Variants in TMCO4 observed in about 807,000 individuals in gnomAD.
TMCO4 encodes transmembrane and coiled-coil domains 4, also known as transmembrane and coiled-coil domain-containing protein 4.
In TMCO4, 58 loss-of-function variants were observed where a neutral mutation model predicts 64.7. The observed-to-expected ratio is 0.90, with a 90% CI of 0.73 to 1.12. The LOEUF is 1.12. TMCO4 is among the 50% of genes most tolerant of loss of function. The probability of loss-of-function intolerance (pLI) is 0.00; values close to 1 mark genes in which losing one functional copy is unlikely to be tolerated. For synonymous variants in TMCO4, 325 were observed against 346.1 expected (o/e 0.94, Z 0.68); for missense variants, 780 against 825.9 (o/e 0.94, Z 0.68).
At chr1:19,783,068 A>T (rs2043566851) in intron 3 of TMCO4, among the ~76,000 whole-genome samples, 1 of 152,204 alleles carries the variant, frequency 6.6e-6, no homozygotes, top group South Asian at 2.1e-4. Context: ...TGATCAACAA[A>T]CAAATAAGTA....
Position 19,780,686 on chromosome 1 carries a change from C to G in TMCO4, c.73G>C (p.Glu25Gln), listed in dbSNP as rs769356583. 7 of 1,613,716 alleles carry G rather than the reference C, an allele frequency of 4.3e-6. No individual in the cohort carries two copies. In the African/African-American group the frequency reaches 8.0e-5, roughly 18 times the overall value. The change falls in exon 4 of 16, where the codon GAG becomes CAG. Residue 25 changes from glutamate (E) to glutamine (Q), a missense_variant. Transcript: ENST00000294543. ...TCCCGGCCCGTGGGCAGGTGTGGCT[C>G]CCCCTCTGCAGTGGGCTCAGCTACC... ...PLVAEPTAEG[E>Q]PHLPTGRELT...
intron 13 of TMCO4, among the ~76,000 whole-genome samples, chr1:19,705,390 G>A (rs983033109): frequency 6.6e-6 from 1 of 152,106 alleles, no homozygotes; most frequent in African/African-American, 2.4e-5. Context: ...GGCGGAGATT[G>A]CAGTGAGCTA....
At chr1:19,708,768 A>T (rs1360855213) in intron 13 of TMCO4, among the ~76,000 whole-genome samples, 1 of 152,116 alleles carries the variant, frequency 6.6e-6, no homozygotes, top group Non-Finnish European at 1.5e-5. Flanking sequence ...GGAAGGCAGC[A>T]CCTCTCACTC....
chr1:19,729,267 C>T (rs12402238), intron 13 of TMCO4, among the ~76,000 whole-genome samples: 56,557 of 151,436 alleles, frequency 0.37, 11,268 homozygotes, highest in East Asian at 0.71. Flanking sequence ...CTCATGCCTC[C>T]GCCTGCCAAG....
rs2042976439 is a variant in TMCO4 at position 19,771,414 on chromosome 1, GT to G, written c.247del (p.Thr83ProfsTer2). The G allele has an allele frequency of 1.9e-6, 3 of 1,614,028 alleles. No homozygotes were observed. Among genetic ancestry groups the G allele is most frequent in the Non-Finnish European group, 2.5e-6 (3 of 1,180,032 alleles). ...CAGGCCGCTCGCAAAAGCAGTCATG[GT>G]TGGCAAGACAGCTTCAGACAACTCC... Reference protein sequence around the residue: ...WLELSEAVLPTMTAFASGLGG... With the variant: ...WLELSEAVLPXMTAFASGLGG... On this transcript the variant is annotated frameshift_variant, in exon 5 of 16. Transcript: ENST00000294543. LOFTEE classifies it high-confidence loss of function.
Position 19,755,654 on chromosome 1 carries a change from T to C in TMCO4, c.495A>G (p.Glu165=). 1 of 1,614,104 alleles carries C rather than the reference T, an allele frequency of 6.2e-7. No individual in the cohort carries two copies. The highest frequency in any genetic ancestry group is 8.5e-7 in the Non-Finnish European group (1 of 1,179,996). ...LEEMFLESLK[E]IKEEESEMAE... is the part of the protein sequence containing the mutation. ...CTTACTCAGATTCCTCTTCTTTGAT[T>C]TCCTTCAGGCTCTCCAGGAACATCT... The change falls in exon 7 of 16, where the codon GAA becomes GAG. Residue 165 remains glutamate (E), a synonymous_variant. Transcript: ENST00000294543.
At chr1:19,717,733 C>T (rs1004639095) in intron 13 of TMCO4, among the ~76,000 whole-genome samples, 1 of 152,138 alleles carries the variant, frequency 6.6e-6, no homozygotes, top group African/African-American at 2.4e-5. Flanking sequence ...TCCTCCCTGG[C>T]GCCCTCCCTG....
At chr1:19,748,755 G>C (rs1299904516) in intron 7 of TMCO4, among the ~76,000 whole-genome samples, 1 of 152,180 alleles carries the variant, frequency 6.6e-6, no homozygotes, top group East Asian at 1.9e-4. Flanking sequence ...AACCCAGGAG[G>C]AGGAGGTTGC....
intron 13 of TMCO4, among the ~76,000 whole-genome samples, chr1:19,709,235 A>G (rs919528590): frequency 2.0e-5 from 3 of 151,428 alleles, no homozygotes; most frequent in Admixed American, 2.0e-4. Context: ...TTTGATTCCC[A>G]TCTCTTTTAT....
At chr1:19,755,788 C>T (rs376859002) in intron 6 of TMCO4, 22 bp from the exon 7 acceptor site, 27 of 1,613,364 alleles carry the variant, frequency 1.7e-5, no homozygotes, top group South Asian at 3.3e-5. Flanking sequence ...GAAACAACAC[C>T]GGAAAAGAAT....
At position 19,743,082 on chromosome 1, in the gene TMCO4, C is replaced by T. The variant is rs1570854447; in HGVS notation, c.878-2141G>A. Among the ~76,000 whole-genome samples the T allele has an allele frequency of 1.3e-5, 2 of 152,076 alleles. No homozygotes were observed. Among genetic ancestry groups the T allele is most frequent in the Admixed American group, 6.5e-5 (1 of 15,270 alleles). ...AATAAAAATAAAAAAAATAAAAAGG[C>T]GTTGTATAAACTGTAAAGTGCTCTA... On this transcript the variant is annotated intron_variant, in intron 10 of 15. Coordinates refer to ENST00000294543, the MANE Select transcript of TMCO4 (RefSeq NM_181719.7). This position sits in a 1 kb window ranked among gnomAD's most constrained non-coding sequence, Gnocchi z 4.1.
In TMCO4 at chr1:19,743,642, G is replaced by C. The variant is rs1297844491; in HGVS notation, c.877+1890C>G. Among the ~76,000 whole-genome samples, 2 of 152,078 alleles carry C rather than the reference G, an allele frequency of 1.3e-5. No homozygotes were observed. Among genetic ancestry groups the C allele is most frequent in the Admixed American group, 6.5e-5 (1 of 15,278 alleles). On this transcript the variant is annotated intron_variant, in intron 10 of 15. Coordinates refer to ENST00000294543, the MANE Select transcript of TMCO4 (RefSeq NM_181719.7). The surrounding 1 kb of genome is among the most constrained non-coding windows in gnomAD (Gnocchi z 4.1). ...ACAAATAGGGGCAAACTGAACAAGT[G>C]GGGGCAAAATGAAGAAAGGAGTTTG...
At chr1:19,748,284 C>T (rs1170045919) in intron 7 of TMCO4, among the ~76,000 whole-genome samples, 3 of 152,226 alleles carry the variant, frequency 2.0e-5, no homozygotes, top group Non-Finnish European at 4.4e-5. Flanking sequence ...GCCTCAGTTT[C>T]CTCTTTTGTC....
chr1:19,731,318 C>T (rs2095429085), intron 13 of TMCO4, among the ~76,000 whole-genome samples: 1 of 152,216 alleles, frequency 6.6e-6, no homozygotes, highest in Admixed American at 6.5e-5. Flanking sequence ...CATTTATTAA[C>T]AGTTTCTAGG....
chr1:19,715,998 A>G (rs2095353942), intron 13 of TMCO4, among the ~76,000 whole-genome samples: 1 of 152,138 alleles, frequency 6.6e-6, no homozygotes, highest in South Asian at 2.1e-4. Context: ...GGGCAAGGCC[A>G]TTTGGGTAAA....
At chr1:19,723,454 T>A (rs2095394857) in intron 13 of TMCO4, among the ~76,000 whole-genome samples, 1 of 152,202 alleles carries the variant, frequency 6.6e-6, no homozygotes, top group African/African-American at 2.4e-5. Flanking sequence ...CCAGCACAGC[T>A]TCTTCCCTGG....
At chr1:19,799,649 A>C (rs1407878529) in intron 1 of TMCO4, among the ~76,000 whole-genome samples, 4 of 152,182 alleles carry the variant, frequency 2.6e-5, no homozygotes, top group African/African-American at 9.6e-5. Flanking sequence ...AACCACCAGC[A>C]GGCGGCCTGG....
chr1:19,692,222 G>A (rs1334273131), intron 15 of TMCO4, among the ~76,000 whole-genome samples: 1 of 152,172 alleles, frequency 6.6e-6, no homozygotes, highest in Non-Finnish European at 1.5e-5. Context: ...GCTTGTGCTT[G>A]TAGTTACAGC....
intron 9 of TMCO4, 74 bp downstream of exon 9, chr1:19,746,382 A>C (rs1220699633): frequency 6.3e-6 from 10 of 1,582,304 alleles, no homozygotes; most frequent in Non-Finnish European, 8.6e-6. Context: ...GTGAGGATCC[A>C]GGCATGTCCT....
Sources: gnomAD v4.1 joint callset for allele counts (sites outside exome capture counted in the v4.1 genomes callset) on GRCh38, gnomAD v4.1.1 for gene constraint, Gnocchi (gnomAD v3.1) non-coding constraint, MANE v1.5 for transcripts, NCBI Gene and HGNC (gene_info 2026-07-23, HGNC 2026-07-21) for gene names.